Variants in AMPH observed in about 807,000 individuals in gnomAD.
AMPH encodes the protein amphiphysin, also known as amphiphysin (Stiff-Mann syndrome with breast cancer 128kD autoantigen).
A neutral mutation model predicts 99.1 loss-of-function variants in AMPH; 49 were observed. That is an observed-to-expected ratio of 0.49 (90% CI 0.39 to 0.63). AMPH has a LOEUF of 0.63. AMPH is among the 20% of genes least tolerant of loss of function. AMPH has a pLI of 0.00. For synonymous variants in AMPH, 314 were observed against 317.3 expected, an observed-to-expected ratio of 0.99 and a Z score of 0.11; for missense variants, 759 against 863.4, an observed-to-expected ratio of 0.88 and a Z score of 1.52.
At position 38,529,013 on chromosome 7, in the gene AMPH, T is replaced by G. The variant is rs1436386842; in HGVS notation, c.150+5918A>C. Among the ~76,000 whole-genome samples, 3 of 152,126 alleles carry G rather than the reference T, an allele frequency of 2.0e-5. No homozygotes were observed. The East Asian group carries it at 5.8e-4, about 29-fold the overall frequency. On this transcript the variant is annotated intron_variant, in intron 2 of 20. Coordinates refer to ENST00000356264, the MANE Select transcript of AMPH (RefSeq NM_001635.4). Reference sequence around the variant, plus strand: ...CTAATGCCTTCTATAATTTCCCCTATTACACCAGACTATCTTAAAAGAGCT... The same window carrying G: ...CTAATGCCTTCTATAATTTCCCCTAGTACACCAGACTATCTTAAAAGAGCT...
chr7:38,566,231 C>G (rs539230506), intron 1 of AMPH, among the ~76,000 whole-genome samples: 1 of 152,170 alleles, frequency 6.6e-6, no homozygotes, highest in Non-Finnish European at 1.5e-5. Context: ...AAAAGCATCT[C>G]ATCCTAATGT....
intron 2 of AMPH, among the ~76,000 whole-genome samples, chr7:38,517,295 T>C (rs1789784853): frequency 6.6e-6 from 1 of 152,206 alleles, no homozygotes; most frequent in South Asian, 2.1e-4. Flanking sequence ...GGGAGGTGAT[T>C]GGATCATGGG....
chr7:38,471,526 A>C (rs184665102), intron 7 of AMPH, among the ~76,000 whole-genome samples: 5 of 152,330 alleles, frequency 3.3e-5, no homozygotes, highest in Admixed American at 2.6e-4. Flanking sequence ...CAAAAATTTG[A>C]AAGTTTTCTA....
intron 15 of AMPH, among the ~76,000 whole-genome samples, chr7:38,423,932 A>T (rs1785687593): frequency 6.6e-6 from 1 of 152,242 alleles, no homozygotes; most frequent in African/African-American, 2.4e-5. Context: ...ACTGGGGAAC[A>T]CACAGGCACA....
intron 16 of AMPH, 196 bp from the exon 17 acceptor site, chr7:38,418,146 T>A: frequency 2.1e-6 from 1 of 471,328 alleles, no homozygotes; most frequent in Non-Finnish European, 3.6e-6. Context: ...AAAATCTTAT[T>A]AAGCTTCTGC....
intron 11 of AMPH, among the ~76,000 whole-genome samples, chr7:38,453,048 T>C (rs1317092482): frequency 2.0e-5 from 3 of 152,098 alleles, no homozygotes; most frequent in South Asian, 4.1e-4. Context: ...ATGAGACAAA[T>C]GGTCATTTAA....
chr7:38,503,747 C>A (rs775838294), intron 2 of AMPH, 43 bp from the exon 3 acceptor site: 40 of 1,590,170 alleles, frequency 2.5e-5, no homozygotes, highest in Non-Finnish European at 3.5e-5. Flanking sequence ...AGTCTATATT[C>A]TGCATGAAAA....
At chr7:38,396,843 C>T (rs761950674) in intron 17 of AMPH, among the ~76,000 whole-genome samples, 4 of 152,196 alleles carry the variant, frequency 2.6e-5, no homozygotes, top group Non-Finnish European at 5.9e-5. Flanking sequence ...TTGTCGGAGA[C>T]ATTAACAGGA....
intron 13 of AMPH, chr7:38,430,193 G>A (rs766632344): frequency 2.3e-5 from 7 of 306,814 alleles, no homozygotes; most frequent in South Asian, 5.8e-5. Context: ...TGAGAACATC[G>A]GAATAAGATC....
At chr7:38,483,957 A>G (rs1562784306) in intron 5 of AMPH, among the ~76,000 whole-genome samples, 1 of 152,102 alleles carries the variant, frequency 6.6e-6, no homozygotes, top group Non-Finnish European at 1.5e-5. Flanking sequence ...GAACTGAAAA[A>G]TACAATAAGT....
chr7:38,619,809 T>C (rs566877551), intron 1 of AMPH, among the ~76,000 whole-genome samples: 8 of 152,332 alleles, frequency 5.3e-5, no homozygotes, highest in African/African-American at 1.9e-4. Flanking sequence ...GTCCCCATGG[T>C]CACAAGCATT....
chr7:38,484,821 T>C (rs751654811), intron 5 of AMPH, among the ~76,000 whole-genome samples: 32 of 151,958 alleles, frequency 2.1e-4, no homozygotes, highest in Non-Finnish European at 3.1e-4. Flanking sequence ...TATAAATATA[T>C]GCAAATTTTG....
chr7:38,595,289 C>T (rs1420713534), intron 1 of AMPH, among the ~76,000 whole-genome samples: 1 of 152,132 alleles, frequency 6.6e-6, no homozygotes, highest in African/African-American at 2.4e-5. Context: ...GATTAGGGGC[C>T]CAGGTACATG....
intron 2 of AMPH, among the ~76,000 whole-genome samples, chr7:38,524,415 C>A (rs945631269): frequency 7.9e-5 from 12 of 152,206 alleles, no homozygotes; most frequent in African/African-American, 2.9e-4. Flanking sequence ...GGGCCTCTAA[C>A]TTGTCTTTTC....
Position 38,429,066 on chromosome 7 carries a change from G to A in AMPH, c.1182+776C>T, listed in dbSNP as rs746241612. 28 of 1,290,010 alleles carry A rather than the reference G, an allele frequency of 2.2e-5. No homozygotes were observed. The African/African-American group carries it at 2.4e-4, about 11-fold the overall frequency. The allele number at this position is 1,290,010 out of a possible 1,614,324, so 79.9% of individuals were successfully genotyped here. A position where few individuals can be genotyped will look rare whatever the true frequency, so the allele number is the denominator to read the frequency against. ...AGCTCCAGTGTCTACCTTTTGACAC[G>A]CCTCCACACCTGCCCACAGAGAATC... is the stretch of plus-strand genomic sequence containing the variant. On this transcript the variant is annotated intron_variant, in intron 14 of 20. Transcript: ENST00000356264.
chr7:38,517,073 G>T (rs1789775185), intron 2 of AMPH, among the ~76,000 whole-genome samples: 1 of 152,262 alleles, frequency 6.6e-6, no homozygotes, highest in Non-Finnish European at 1.5e-5. Flanking sequence ...GTCTTGCTTT[G>T]TCTCAGATAA....
At chr7:38,523,908 T>C (rs971814980) in intron 2 of AMPH, among the ~76,000 whole-genome samples, 6 of 147,590 alleles carry the variant, frequency 4.1e-5, no homozygotes, top group Non-Finnish European at 3.0e-5. Flanking sequence ...TATTTATTAA[T>C]ATTACTTATT....
intron 9 of AMPH, among the ~76,000 whole-genome samples, chr7:38,463,854 C>T (rs1307708309): frequency 6.6e-6 from 1 of 152,218 alleles, no homozygotes; most frequent in South Asian, 2.1e-4. Context: ...AGGACACATC[C>T]TACTCTCTAA....
intron 4 of AMPH, 46 bp downstream of exon 4, chr7:38,494,387 T>C (rs753968269): frequency 4.0e-6 from 6 of 1,518,688 alleles, no homozygotes; most frequent in Non-Finnish European, 4.6e-6. Context: ...ACAGGTGGAC[T>C]GAGCAAGGGT....
Sources: allele counts gnomAD v4.1 joint callset (sites outside exome capture counted in the v4.1 genomes callset), GRCh38; gene constraint gnomAD v4.1.1; transcripts MANE v1.5; gene names NCBI Gene and HGNC (gene_info 2026-07-23, HGNC 2026-07-21).